Variants in SLC38A1 observed in about 807,000 individuals in gnomAD.
SLC38A1 encodes solute carrier family 38 member 1.
In SLC38A1, 18 loss-of-function variants were observed where a neutral mutation model predicts 60.3. The observed-to-expected ratio is 0.30, with a 90% confidence interval of 0.21 to 0.44. The LOEUF is 0.44. SLC38A1 is among the 20% of genes least tolerant of loss of function. The probability of loss-of-function intolerance (pLI) is 1.00; values close to 1 mark genes in which losing one functional copy is unlikely to be tolerated. For missense variants in SLC38A1, 448 were observed against 587.2 expected (o/e 0.76, Z 2.45); for synonymous variants, 196 against 212.1 (o/e 0.92, Z 0.66).
chr12:46,187,982 CAT>C lies in SLC38A1; in HGVS notation c.*986_*987del, dbSNP rs577781626. ...CCTAGATCATCCTTAGTTAGGTACA[CAT>C]GATTCTCTGTGCAACTAGCTGGTGG... is the stretch of plus-strand genomic sequence containing the variant. On this transcript the variant is annotated 3_prime_UTR_variant, in exon 17 of 17. Transcript: ENST00000398637. The C allele has an allele frequency of 1.4e-3, 218 of 152,212 alleles. 2 individuals are homozygous for C. Among genetic ancestry groups the C allele is most frequent in the African/African-American group, 5.0e-3 (209 of 41,538 alleles). The allele number at this position is 152,212 out of a possible 1,614,324, so 9.4% of individuals were successfully genotyped here.
At chr12:46,214,945 G>A (rs987287764) in intron 5 of SLC38A1, among the ~76,000 whole-genome samples, 8 of 152,250 alleles carry the variant, frequency 5.3e-5, no homozygotes, top group Non-Finnish European at 7.4e-5. Flanking sequence ...AGAGAGAACC[G>A]TTGCCAGCCC....
chr12:46,237,376 G>C (rs944614699), intron 3 of SLC38A1, among the ~76,000 whole-genome samples: 2 of 152,040 alleles, frequency 1.3e-5, no homozygotes, highest in African/African-American at 4.8e-5. Flanking sequence ...AAATTGGCAA[G>C]GGTCTTTTTC....
intron 16 of SLC38A1, among the ~76,000 whole-genome samples, chr12:46,193,439 T>A (rs189374577): frequency 6.6e-6 from 1 of 152,212 alleles, no homozygotes; most frequent in Non-Finnish European, 1.5e-5. Context: ...TGTAGATGTC[T>A]ATGAGGTCCG....
chr12:46,191,344 G>C (rs868562972), intron 16 of SLC38A1, among the ~76,000 whole-genome samples: 1 of 152,152 alleles, frequency 6.6e-6, no homozygotes, highest in Non-Finnish European at 1.5e-5. Flanking sequence ...TAGCCTTGTA[G>C]TACAGTTTGA....
intron 3 of SLC38A1, among the ~76,000 whole-genome samples, chr12:46,234,806 G>A (rs1011050482): frequency 1.3e-5 from 2 of 152,120 alleles, no homozygotes; most frequent in Non-Finnish European, 2.9e-5. Context: ...GTCAAGCAGC[G>A]TATCACAAGT....
intron 13 of SLC38A1, among the ~76,000 whole-genome samples, chr12:46,199,573 G>A (rs9669411): frequency 7.3e-5 from 11 of 150,352 alleles, no homozygotes; most frequent in Non-Finnish European, 1.5e-4. Flanking sequence ...TGCCCAGGCT[G>A]GTCTCGAACT....
intron 1 of SLC38A1, among the ~76,000 whole-genome samples, chr12:46,265,970 G>A (rs990527542): frequency 6.6e-6 from 1 of 152,224 alleles, no homozygotes; most frequent in Non-Finnish European, 1.5e-5. Flanking sequence ...GGACAAGTGT[G>A]AGGGGTATTT....
intron 1 of SLC38A1, among the ~76,000 whole-genome samples, chr12:46,249,155 C>CAAA (rs59948188): frequency 0.02 from 950 of 46,468 alleles, 33 homozygotes; most frequent in African/African-American, 0.069. Context: ...GACTCCGCCT[C>CAAA]AAAAAAAAAA....
chr12:46,209,799 T>C (rs919144639), intron 5 of SLC38A1, among the ~76,000 whole-genome samples: 2 of 152,188 alleles, frequency 1.3e-5, no homozygotes, highest in African/African-American at 2.4e-5. Flanking sequence ...GTTTTTGTTT[T>C]AGTACATCTG....
chr12:46,256,600 TGC>T (rs199718377), intron 1 of SLC38A1, among the ~76,000 whole-genome samples: 43,273 of 139,982 alleles, frequency 0.31, 7,288 homozygotes, highest in South Asian at 0.4. Flanking sequence ...TCATCCAGTT[TGC>T]GCGCGCGCGC....
At chr12:46,234,516 C>G (rs1941190587) in intron 3 of SLC38A1, among the ~76,000 whole-genome samples, 1 of 148,362 alleles carries the variant, frequency 6.7e-6, no homozygotes, top group Non-Finnish European at 1.5e-5. Context: ...GGCGCTATCT[C>G]GGCTCACTGC....
intron 1 of SLC38A1, among the ~76,000 whole-genome samples, chr12:46,262,189 C>T (rs1942218117): frequency 2.0e-5 from 3 of 152,198 alleles, no homozygotes. Flanking sequence ...TTCCTCTTGT[C>T]TTCAAGTTCC....
chr12:46,204,492 C>T (rs1196423343), intron 10 of SLC38A1, 40 bp downstream of exon 10: 1 of 1,602,868 alleles, frequency 6.2e-7, no homozygotes, highest in South Asian at 1.1e-5. Flanking sequence ...TGCCATTGTA[C>T]TATCACAAAA....
chr12:46,264,533 T>C (rs1942294348), intron 1 of SLC38A1, among the ~76,000 whole-genome samples: 1 of 152,154 alleles, frequency 6.6e-6, no homozygotes, highest in Non-Finnish European at 1.5e-5. Flanking sequence ...TACAACAATA[T>C]TTTTAAATTT....
chr12:46,224,092 G>A (rs898639161), intron 5 of SLC38A1, among the ~76,000 whole-genome samples: 2 of 152,296 alleles, frequency 1.3e-5, no homozygotes, highest in East Asian at 1.9e-4. Flanking sequence ...GTAAGACTCA[G>A]ATAAAGAGGA....
rs879853551 is a variant in SLC38A1 at position 46,196,221 on chromosome 12, A to T, written c.1362+1499T>A. On this transcript the variant is annotated intron_variant, in intron 16 of 16. Coordinates refer to ENST00000398637, the MANE Select transcript of SLC38A1 (RefSeq NM_030674.4). ...CAGTGAGAGCGCTGCAGGGAGAAGG[A>T]TGATGCATTCTGAGAGCCAACAGGG... The T allele has an allele frequency of 2.7e-5, 42 of 1,535,978 alleles. No homozygotes were observed. In the Admixed American group the frequency reaches 8.0e-4, roughly 29 times the overall value.
intron 5 of SLC38A1, among the ~76,000 whole-genome samples, chr12:46,220,483 A>G (rs554404783): frequency 7.2e-5 from 11 of 152,192 alleles, no homozygotes; most frequent in Non-Finnish European, 1.5e-4. Flanking sequence ...CCGGAAGAGT[A>G]GGGTTTCCTT....
intron 9 of SLC38A1, 97 bp downstream of exon 9, chr12:46,205,983 T>TGCAGAGGGGAA: frequency 1.5e-6 from 1 of 679,450 alleles, no homozygotes; most frequent in Non-Finnish European, 2.6e-6. Context: ...TTTGAGTGCA[T>TGCAGAGGGGAA]GCAGAGGGGA....
intron 3 of SLC38A1, chr12:46,239,476 C>T (rs770739377): frequency 2.3e-5 from 10 of 441,510 alleles, no homozygotes; most frequent in Non-Finnish European, 4.2e-5. Context: ...AGGCATGCAC[C>T]ACATGCCTGG....
Sources: gnomAD v4.1 joint callset for allele counts (sites outside exome capture counted in the v4.1 genomes callset) on GRCh38, gnomAD v4.1.1 for gene constraint, MANE v1.5 for transcripts, NCBI Gene and HGNC (gene_info 2026-07-23, HGNC 2026-07-21) for gene names.